Variants in ABCC4 observed in about 807,000 individuals in gnomAD.
ABCC4 encodes ATP-binding cassette sub-family C member 4.
Under a neutral mutation model 168.5 loss-of-function variants are expected in ABCC4, and 102 were observed. The observed-to-expected ratio is 0.61, with a 90% CI of 0.52 to 0.71. ABCC4 has a LOEUF of 0.71. ABCC4 is among the 30% of genes least tolerant of loss of function. ABCC4 has a pLI of 0.00. For missense variants in ABCC4, 1,402 were observed against 1,605.8 expected, an observed-to-expected ratio of 0.87 and a Z score of 2.17; for synonymous variants, 617 against 590.7, an observed-to-expected ratio of 1.04 and a Z score of -0.65.
intron 27 of ABCC4, among the ~76,000 whole-genome samples, chr13:95,051,504 G>A (rs928413954): frequency 7.3e-5 from 11 of 151,514 alleles, no homozygotes; most frequent in Admixed American, 7.2e-4. Context: ...GAGTAGCTGG[G>A]ACTACAGGTG....
chr13:95,133,112 T>TC (rs1351382185), intron 19 of ABCC4, among the ~76,000 whole-genome samples: 2 of 144,682 alleles, frequency 1.4e-5, no homozygotes, highest in Non-Finnish European at 3.0e-5. Context: ...TTAAAACTTT[T>TC]TTTTTTTTTT....
At chr13:95,113,961 T>C (rs1056815432) in intron 20 of ABCC4, among the ~76,000 whole-genome samples, 3 of 152,236 alleles carry the variant, frequency 2.0e-5, no homozygotes, top group Admixed American at 2.0e-4. Context: ...GAAGGGATTA[T>C]GGGAAGCCTT....
intron 9 of ABCC4, 71 bp from the exon 10 acceptor site, chr13:95,188,613 A>T (rs2038147343): frequency 8.1e-7 from 1 of 1,232,684 alleles, no homozygotes; most frequent in Non-Finnish European, 1.2e-6. Flanking sequence ...AAGAGAAGAA[A>T]ACAATACAAC....
chr13:95,148,373 C>A (rs1158415417), intron 19 of ABCC4, among the ~76,000 whole-genome samples: 20 of 152,042 alleles, frequency 1.3e-4, no homozygotes, highest in African/African-American at 2.4e-5. Flanking sequence ...AAAAGGGTAC[C>A]ATGGATCCCA....
intron 1 of ABCC4, among the ~76,000 whole-genome samples, chr13:95,294,300 T>A (rs1014743543): frequency 2.0e-5 from 3 of 151,858 alleles, no homozygotes; most frequent in Admixed American, 6.6e-5. Context: ...GAGGCAGAGG[T>A]TGCAGTGAGC....
chr13:95,180,983 A>G (rs2037870644), intron 11 of ABCC4, among the ~76,000 whole-genome samples: 1 of 152,240 alleles, frequency 6.6e-6, no homozygotes, highest in Admixed American at 6.5e-5. Context: ...CTGAAGTACA[A>G]TCTGAGTCAG....
chr13:95,271,229 A>G (rs931158627), intron 1 of ABCC4, among the ~76,000 whole-genome samples: 4 of 152,212 alleles, frequency 2.6e-5, no homozygotes, highest in African/African-American at 9.6e-5. Context: ...CAGTTAGTGC[A>G]GCTAAATAAT....
At chr13:95,224,187 G>GA (rs955909595) in intron 4 of ABCC4, among the ~76,000 whole-genome samples, 59 of 75,980 alleles carry the variant, frequency 7.8e-4, no homozygotes, top group South Asian at 5.6e-3. Flanking sequence ...GTATCAAAGA[G>GA]AAAAAAAAAT....
intron 21 of ABCC4, among the ~76,000 whole-genome samples, chr13:95,079,180 T>C (rs1234820555): frequency 1.3e-5 from 2 of 152,122 alleles, no homozygotes; most frequent in Non-Finnish European, 2.9e-5. Context: ...AGGGAGAGCG[T>C]ATGTCAAGCC....
At chr13:95,289,817 C>T (rs576734919) in intron 1 of ABCC4, among the ~76,000 whole-genome samples, 10 of 152,188 alleles carry the variant, frequency 6.6e-5, no homozygotes, top group African/African-American at 2.2e-4. Context: ...TATTGATGTG[C>T]GGGGCGCGGT....
At chr13:95,034,281 CT>C (rs1465369816) in intron 30 of ABCC4, among the ~76,000 whole-genome samples, 2 of 152,202 alleles carry the variant, frequency 1.3e-5, no homozygotes, top group Admixed American at 6.5e-5. Flanking sequence ...ACTATGTGCT[CT>C]ATGCCTTTTT....
intron 3 of ABCC4, among the ~76,000 whole-genome samples, chr13:95,242,320 C>T (rs989327123): frequency 6.6e-5 from 10 of 151,420 alleles, no homozygotes; most frequent in Admixed American, 1.3e-4. Flanking sequence ...CTCCACCTCC[C>T]AGGTTCAAGC....
rs979550799 is a variant in ABCC4 at position 95,041,529 on chromosome 13, A to G, written c.3735+2153T>C. On this transcript the variant is annotated intron_variant, in intron 29 of 30. Transcript: ENST00000645237. ...AGTGTTGGTTATGTCCTTCATTAAC[A>G]TCTGTCACTTCCCCAGCCACTCCCT... is the stretch of plus-strand genomic sequence containing the variant. Among the ~76,000 whole-genome samples the G allele has an allele frequency of 2.6e-5, 4 of 152,318 alleles. No homozygotes were observed. The East Asian group carries it at 7.7e-4, about 29-fold the overall frequency.
chr13:95,038,776 A>G (rs2032233883), intron 29 of ABCC4, among the ~76,000 whole-genome samples: 2 of 152,180 alleles, frequency 1.3e-5, no homozygotes, highest in South Asian at 4.1e-4. Flanking sequence ...TCAGGGCACA[A>G]TTGGGTGACT....
chr13:95,159,066 G>T (rs570246837), intron 19 of ABCC4, among the ~76,000 whole-genome samples: 1 of 133,406 alleles, frequency 7.5e-6, no homozygotes, highest in Non-Finnish European at 1.6e-5. Context: ...CTAGTCAACA[G>T]AATGAGACCT....
chr13:95,149,998 G>T (rs879814767), intron 19 of ABCC4, among the ~76,000 whole-genome samples: 2 of 152,130 alleles, frequency 1.3e-5, no homozygotes, highest in African/African-American at 2.4e-5. Context: ...TAGAGACAGG[G>T]TCTCATTCTG....
intron 29 of ABCC4, among the ~76,000 whole-genome samples, chr13:95,037,084 C>CAAAAA (rs57294033): frequency 0.019 from 2,042 of 105,694 alleles, 85 homozygotes; most frequent in African/African-American, 0.071. Flanking sequence ...ACTCTGTGTC[C>CAAAAA]AAAAAAAAAA....
chr13:95,196,611 A>T (rs533987403), intron 8 of ABCC4, among the ~76,000 whole-genome samples: 1 of 7,010 alleles, frequency 1.4e-4, no homozygotes, highest in African/African-American at 5.9e-4. Context: ...GAAGGAAGGA[A>T]GGAAGGAAGG....
At chr13:95,061,594 TTGTGTGTGTG>T (rs57517042) in intron 26 of ABCC4, among the ~76,000 whole-genome samples, 50,420 of 133,552 alleles carry the variant, frequency 0.38, 10,496 homozygotes, top group South Asian at 0.62. Flanking sequence ...GAATATGTGT[TTGTGTGTGTG>T]TGTGTGTGTG....
Sources: gnomAD v4.1 joint callset for allele counts (sites outside exome capture counted in the v4.1 genomes callset) on GRCh38, gnomAD v4.1.1 for gene constraint, MANE v1.5 for transcripts, NCBI Gene and HGNC (gene_info 2026-07-23, HGNC 2026-07-21) for gene names.